The following DHRS9 variants were observed in gnomAD, a reference collection of about 807,000 sequenced individuals.
The protein encoded by DHRS9 is dehydrogenase/reductase SDR family member 9.
DHRS9 carries 18 observed loss-of-function variants against 26.6 expected under a neutral mutation model. That is an observed-to-expected ratio of 0.68 (90% CI 0.47 to 1.00). The LOEUF (loss-of-function observed/expected upper bound fraction) is 1.00, where lower values mean the gene tolerates loss of function less well. Ranked by LOEUF, DHRS9 falls within the 50% of genes least tolerant of loss-of-function variation. The pLI, the probability that DHRS9 is intolerant of heterozygous loss-of-function variation, is 0.00. For synonymous variants in DHRS9, 134 were observed against 141.1 expected, an observed-to-expected ratio of 0.95 and a Z score of 0.36; for missense variants, 425 against 378.7, an observed-to-expected ratio of 1.12 and a Z score of -1.01.
chr2:169,084,759 T>C (rs910605141), intron 3 of DHRS9, among the ~76,000 whole-genome samples: 4 of 152,202 alleles, frequency 2.6e-5, no homozygotes, highest in Admixed American at 6.5e-5. Flanking sequence ...AGCTTTCAAA[T>C]ATTTTCTCCC....
chr2:169,073,412 G>A (rs1683867727), intron 1 of DHRS9, among the ~76,000 whole-genome samples: 1 of 152,214 alleles, frequency 6.6e-6, no homozygotes, highest in African/African-American at 2.4e-5. Flanking sequence ...CAACATGTTA[G>A]GCACTCAATG....
rs1684201926 is a variant in DHRS9 at position 169,081,850 on chromosome 2, T to C, written c.269T>C (p.Val90Ala). 1 of 1,613,214 alleles carries C rather than the reference T, an allele frequency of 6.2e-7. No individual in the cohort carries two copies. Among genetic ancestry groups the C allele is most frequent in the Non-Finnish European group, 8.5e-7 (1 of 1,179,646 alleles). Residue 90 changes from valine (V) to alanine (A), a missense_variant, in exon 2 of 5, where the codon GTC (valine) becomes GCC (alanine). Coordinates refer to ENST00000674881, the MANE Select transcript of DHRS9 (RefSeq NM_001376924.1). ...VLLDVTDPEN[V>A]KRTAQWVKNQ... The stretch of plus-strand genomic sequence containing the variant: ...CTGGATGTGACCGACCCAGAGAATG[T>C]CAAGAGGACTGCCCAGTGGGTGAAG...
At chr2:169,093,307 A>T (rs1237079880) in intron 4 of DHRS9, among the ~76,000 whole-genome samples, 1 of 150,652 alleles carries the variant, frequency 6.6e-6, no homozygotes, top group Non-Finnish European at 1.5e-5. Context: ...AAAATGACTG[A>T]CTCCTCCAAC....
At chr2:169,092,517 G>C (rs1684561942) in intron 4 of DHRS9, among the ~76,000 whole-genome samples, 1 of 152,210 alleles carries the variant, frequency 6.6e-6, no homozygotes, top group Non-Finnish European at 1.5e-5. Context: ...TTACTTCTTA[G>C]GTGTAATCTA....
At chr2:169,071,627 C>G (rs938151973) in intron 1 of DHRS9, among the ~76,000 whole-genome samples, 2 of 152,158 alleles carry the variant, frequency 1.3e-5, no homozygotes, top group Non-Finnish European at 2.9e-5. Context: ...AAAGCACAGT[C>G]TGGCTGCCAA....
intron 3 of DHRS9, 102 bp downstream of exon 3, chr2:169,083,689 A>G (rs1684265059): frequency 7.3e-7 from 1 of 1,374,384 alleles, no homozygotes; most frequent in Non-Finnish European, 9.7e-7. Flanking sequence ...AAAGTCTACC[A>G]TATTTATCTC....
At chr2:169,071,584 A>C (rs1347833871) in intron 1 of DHRS9, among the ~76,000 whole-genome samples, 1 of 152,176 alleles carries the variant, frequency 6.6e-6, no homozygotes, top group Non-Finnish European at 1.5e-5. Flanking sequence ...GTGGAAGTAC[A>C]CACGAACTCC....
At chr2:169,087,110 T>A (rs574720639) in intron 3 of DHRS9, among the ~76,000 whole-genome samples, 1 of 152,188 alleles carries the variant, frequency 6.6e-6, no homozygotes, top group African/African-American at 2.4e-5. Flanking sequence ...AGATGCCATG[T>A]GGAAGCCAGG....
rs1424908814 is a variant in DHRS9 at position 169,091,801 on chromosome 2, A to G, written c.584A>G (p.Lys195Arg). ...GFNDSLRRDM[K>R]AFGVHVSCIE... Reference sequence around the variant, plus strand: ...GGTTCTTTTCACAGACGGGACATGAAAGCTTTTGGTGTGCACGTCTCATGC... The same window carrying G: ...GGTTCTTTTCACAGACGGGACATGAGAGCTTTTGGTGTGCACGTCTCATGC... The change falls in exon 4 of 5, where the codon AAA (lysine) becomes AGA (arginine). Residue 195 changes from lysine (K) to arginine (R), a missense_variant. Lys to Arg is a conservative substitution (Grantham distance 26). Transcript: ENST00000674881. 4 of 1,610,026 alleles carry G rather than the reference A, an allele frequency of 2.5e-6. No individual in the cohort carries two copies. In the East Asian group the frequency reaches 8.9e-5, roughly 36 times the overall value.
chr2:169,087,747 G>T (rs1228661798), intron 3 of DHRS9, among the ~76,000 whole-genome samples: 1 of 152,130 alleles, frequency 6.6e-6, no homozygotes, highest in Non-Finnish European at 1.5e-5. Flanking sequence ...AAGGCAGTGG[G>T]TTTCCTTCTG....
intron 4 of DHRS9, among the ~76,000 whole-genome samples, chr2:169,095,072 G>C (rs553030955): frequency 6.6e-6 from 1 of 152,082 alleles, no homozygotes; most frequent in East Asian, 1.9e-4. Context: ...ATTTTCTCTA[G>C]ACACATAATC....
chr2:169,078,787 T>A (rs2105285751), intron 1 of DHRS9, among the ~76,000 whole-genome samples: 1 of 151,712 alleles, frequency 6.6e-6, no homozygotes, highest in East Asian at 1.9e-4. Flanking sequence ...TATTTTTATA[T>A]TCCTCTGACT....
At chr2:169,083,276 G>T in intron 2 of DHRS9, 53 bp from the exon 3 acceptor site, 2 of 1,582,828 alleles carry the variant, frequency 1.3e-6, no homozygotes, top group African/African-American at 1.3e-5. Context: ...TTCATCAAAG[G>T]TGGCAAATAA....
At chr2:169,086,772 G>T (rs968022752) in intron 3 of DHRS9, among the ~76,000 whole-genome samples, 1 of 152,144 alleles carries the variant, frequency 6.6e-6, no homozygotes, top group Admixed American at 6.5e-5. Context: ...CCACCTTGAT[G>T]GTCTTGGATA....
At chr2:169,074,002 G>A (rs1035336807) in intron 1 of DHRS9, among the ~76,000 whole-genome samples, 1 of 152,122 alleles carries the variant, frequency 6.6e-6, no homozygotes, top group Non-Finnish European at 1.5e-5. Context: ...GAGAGTAGAG[G>A]CCAGAGATGC....
chr2:169,070,912 A>C, intron 1 of DHRS9: 1 of 235,012 alleles, frequency 4.3e-6, no homozygotes, highest in Non-Finnish European at 6.9e-6. Flanking sequence ...AAAATACAAA[A>C]AATTAGCTAG....
At chr2:169,086,165 C>T (rs1684343062) in intron 3 of DHRS9, among the ~76,000 whole-genome samples, 1 of 151,974 alleles carries the variant, frequency 6.6e-6, no homozygotes, top group African/African-American at 2.4e-5. Flanking sequence ...AGCTATGCCT[C>T]ATTCTTTTTT....
chr2:169,091,224 TATAAAATAAAATAAAATAAA>T (rs56686443), intron 3 of DHRS9, among the ~76,000 whole-genome samples: 11,723 of 121,060 alleles, frequency 0.097, 773 homozygotes, highest in African/African-American at 0.17. Flanking sequence ...TGCAGCATGA[TATAAAATAAAATAAAATAAA>T]ATAAAATAAA....
At chr2:169,094,124 T>A (rs1231628933) in intron 4 of DHRS9, among the ~76,000 whole-genome samples, 1 of 152,224 alleles carries the variant, frequency 6.6e-6, no homozygotes, top group Non-Finnish European at 1.5e-5. Flanking sequence ...TAGTAGCCAT[T>A]CTAACAAATG....
Sources: allele counts gnomAD v4.1 joint callset (sites outside exome capture counted in the v4.1 genomes callset), GRCh38; gene constraint gnomAD v4.1.1; transcripts MANE v1.5; gene names NCBI Gene and HGNC (gene_info 2026-07-23, HGNC 2026-07-21).